The following PCDH15 variants were observed in gnomAD, a reference collection of about 807,000 sequenced individuals.
The protein encoded by PCDH15 is protocadherin-15.
In PCDH15, 129 loss-of-function variants were observed where a neutral mutation model predicts 178.5. That is an observed-to-expected ratio of 0.72 (90% CI 0.63 to 0.84). The LOEUF is 0.84. Among genes scored for constraint, PCDH15 ranks in the 40% least tolerant of loss-of-function variants. The pLI is 0.00. For synonymous variants in PCDH15, 800 were observed against 732.0 expected, an observed-to-expected ratio of 1.09 and a Z score of -1.50; for missense variants, 2,230 against 2,099.9, an observed-to-expected ratio of 1.06 and a Z score of -1.21.
At chr10:54,172,105 C>A (rs1267604452) in intron 13 of PCDH15, among the ~76,000 whole-genome samples, 1 of 152,142 alleles carries the variant, frequency 6.6e-6, no homozygotes, top group African/African-American at 2.4e-5. Context: ...CTGTGACTTG[C>A]ACTTATACGC....
intron 2 of PCDH15, among the ~76,000 whole-genome samples, chr10:55,447,407 A>T (rs1330469001): frequency 6.6e-6 from 1 of 152,072 alleles, no homozygotes; most frequent in Non-Finnish European, 1.5e-5. Flanking sequence ...AGAACGTTTA[A>T]GTCCCAGGGA....
intron 1 of PCDH15, among the ~76,000 whole-genome samples, chr10:55,314,957 T>C (rs1843686126): frequency 6.6e-6 from 1 of 152,170 alleles, no homozygotes; most frequent in Non-Finnish European, 1.5e-5. Context: ...AAACATACTA[T>C]AAATACCTGG....
chr10:54,873,774 T>C (rs1260947034), intron 3 of PCDH15, among the ~76,000 whole-genome samples: 2 of 145,564 alleles, frequency 1.4e-5, no homozygotes, highest in African/African-American at 5.0e-5. Context: ...GTGTGTGTGT[T>C]GTGTGTGTGT....
At position 54,247,961 on chromosome 10, in the gene PCDH15, C is replaced by T. The variant is rs865883385; in HGVS notation, c.877-11030G>A. Reference sequence around the variant, plus strand: ...ATATATATATATATATATATATATACACATACAGTAAATGACATTCTTAAT... The same window carrying T: ...ATATATATATATATATATATATATATACATACAGTAAATGACATTCTTAAT... On this transcript the variant is annotated intron_variant, in intron 8 of 37. Transcript: ENST00000644397. Among the ~76,000 whole-genome samples the T allele has an allele frequency of 6.8e-3, 883 of 129,106 alleles. 9 individuals are homozygous for T. The highest frequency in any genetic ancestry group is 0.025 in the African/African-American group (723 of 29,362). 84.7% of individuals were successfully genotyped at this position (129,106 alleles called of 152,430 possible). A position where few individuals can be genotyped will look rare whatever the true frequency, so the allele number is the denominator to read the frequency against.
At chr10:54,463,810 A>G (rs994095183) in intron 3 of PCDH15, among the ~76,000 whole-genome samples, 2 of 151,292 alleles carry the variant, frequency 1.3e-5, no homozygotes, top group South Asian at 2.1e-4. Flanking sequence ...AGGGCTAGAG[A>G]AAAAAAAAGG....
intron 2 of PCDH15, among the ~76,000 whole-genome samples, chr10:55,451,513 A>G (rs1289384775): frequency 6.6e-6 from 1 of 152,274 alleles, no homozygotes; most frequent in East Asian, 1.9e-4. Flanking sequence ...AAAATAAAAA[A>G]ATAAAAAACA....
chr10:53,868,752 A>G (rs2079624980), intron 26 of PCDH15, among the ~76,000 whole-genome samples: 1 of 152,218 alleles, frequency 6.6e-6, no homozygotes, highest in Non-Finnish European at 1.5e-5. Flanking sequence ...TACTTGTTAG[A>G]AAAGGTAATT....
intron 8 of PCDH15, among the ~76,000 whole-genome samples, chr10:54,238,704 C>A (rs1348900165): frequency 6.6e-6 from 1 of 151,634 alleles, no homozygotes; most frequent in Non-Finnish European, 1.5e-5. Context: ...CACACACACA[C>A]ACACACACAC....
At position 54,300,886 on chromosome 10, in the gene PCDH15, G is replaced by A. The variant is rs534022029; in HGVS notation, c.876+16385C>T. Among the ~76,000 whole-genome samples the A allele has an allele frequency of 1.4e-3, 220 of 152,150 alleles. 6 individuals carry two copies. Among genetic ancestry groups the A allele is most frequent in the Non-Finnish European group, 1.4e-3 (96 of 68,042 alleles). On this transcript the variant is annotated intron_variant, in intron 8 of 37. Coordinates refer to ENST00000644397, the MANE Select transcript of PCDH15 (RefSeq NM_001384140.1). ...AAGGGAATAAAAGCTGGCCACCTGA[G>A]CTGGCAGCGGCAACCTGTTTGGGTC... is the stretch of plus-strand genomic sequence containing the variant.
chr10:54,340,936 C>T (rs1383570512), intron 6 of PCDH15, among the ~76,000 whole-genome samples: 2 of 152,086 alleles, frequency 1.3e-5, no homozygotes, highest in African/African-American at 4.8e-5. Flanking sequence ...TGAAATTCTG[C>T]CATTTTGCCT....
At chr10:53,894,396 C>T (rs1194619024) in intron 26 of PCDH15, among the ~76,000 whole-genome samples, 1 of 152,072 alleles carries the variant, frequency 6.6e-6, no homozygotes, top group Non-Finnish European at 1.5e-5. Context: ...GGTGGTATGG[C>T]CATAGATGGA....
intron 27 of PCDH15, among the ~76,000 whole-genome samples, chr10:53,858,356 C>G (rs2133052971): frequency 6.6e-6 from 1 of 152,106 alleles, no homozygotes; most frequent in South Asian, 2.1e-4. Flanking sequence ...CTTCAGGAAC[C>G]AGGCAGGTAA....
rs371317231 is a variant in PCDH15, at chr10:53,823,446, A to G, written c.4368-3216T>C. ...AGATGTTTTTATGGCTCTCATTACT[A>G]TTAAATACTTAAAAACATCAAAGGC... On this transcript the variant is annotated intron_variant, in intron 32 of 37. Transcript: ENST00000644397. The G allele has an allele frequency of 6.9e-5, 84 of 1,222,168 alleles. 1 individual carries two copies. Among genetic ancestry groups the G allele is most frequent in the South Asian group, 5.0e-4 (41 of 82,604 alleles). The allele number at this position is 1,222,168 out of a possible 1,614,324, so 75.7% of individuals were successfully genotyped here. A position where few individuals can be genotyped will look rare whatever the true frequency, so the allele number is the denominator to read the frequency against.
At chr10:55,368,430 A>G (rs2131986567) in intron 2 of PCDH15, among the ~76,000 whole-genome samples, 1 of 152,230 alleles carries the variant, frequency 6.6e-6, no homozygotes, top group Non-Finnish European at 1.5e-5. Flanking sequence ...TTTCTTATAA[A>G]TCACTTAAAG....
intron 16 of PCDH15, among the ~76,000 whole-genome samples, chr10:54,087,004 T>C (rs1009700444): frequency 1.3e-4 from 20 of 152,134 alleles, no homozygotes; most frequent in African/African-American, 4.6e-4. Flanking sequence ...TTGGCAAAAC[T>C]AGTAGCTCAC....
chr10:55,481,645 T>C (rs750694122), intron 2 of PCDH15, among the ~76,000 whole-genome samples: 73 of 152,052 alleles, frequency 4.8e-4, no homozygotes, highest in Non-Finnish European at 6.6e-4. Flanking sequence ...TGTATAGTTT[T>C]GAGTAAATTT....
chr10:54,125,012 C>T (rs910798592), intron 15 of PCDH15, among the ~76,000 whole-genome samples: 2 of 152,150 alleles, frequency 1.3e-5, no homozygotes, highest in Admixed American at 6.5e-5. Context: ...CCTTGAGGCC[C>T]AGACATTAAA....
At chr10:54,360,806 C>A (rs1935471) in intron 5 of PCDH15, among the ~76,000 whole-genome samples, 17,408 of 151,926 alleles carry the variant, frequency 0.11, 1,777 homozygotes, top group African/African-American at 0.28. Flanking sequence ...CTGGTTGCTA[C>A]TCTTACAAAG....
chr10:55,026,216 T>C (rs904369222), intron 2 of PCDH15, among the ~76,000 whole-genome samples: 2 of 151,952 alleles, frequency 1.3e-5, no homozygotes, highest in African/African-American at 2.4e-5. Context: ...ACAAAATAGA[T>C]TGCAGATTTA....
Sources: allele counts gnomAD v4.1 joint callset (sites outside exome capture counted in the v4.1 genomes callset), GRCh38; gene constraint gnomAD v4.1.1; transcripts MANE v1.5; gene names NCBI Gene and HGNC (gene_info 2026-07-23, HGNC 2026-07-21).